Variants in SYN3 observed in about 807,000 individuals in gnomAD.
The protein encoded by SYN3 is synapsin III, also known as synapsin-3.
In SYN3, 35 loss-of-function variants were observed where a neutral mutation model predicts 65.8. The observed-to-expected ratio is 0.53, with a 90% CI of 0.41 to 0.70. The LOEUF (loss-of-function observed/expected upper bound fraction) is 0.70. Ranked by LOEUF, SYN3 falls within the 30% of genes least tolerant of loss-of-function variation. The probability of loss-of-function intolerance (pLI) is 0.00; values close to 1 mark genes in which losing one functional copy is unlikely to be tolerated. For synonymous variants in SYN3, 270 were observed against 292.9 expected, an observed-to-expected ratio of 0.92 and a Z score of 0.80; for missense variants, 680 against 749.0, an observed-to-expected ratio of 0.91 and a Z score of 1.08.
intron 6 of SYN3, 44 bp from the exon 7 acceptor site, chr22:32,596,780 TGCCACCAAG>T (rs779059754): frequency 5.7e-5 from 90 of 1,592,014 alleles, no homozygotes; most frequent in Non-Finnish European, 6.8e-5. Context: ...CTCAGAGCAT[TGCCACCAAG>T]GCTCTGGGTG....
chr22:32,943,162 A>C (rs2050993126), intron 3 of SYN3, among the ~76,000 whole-genome samples: 1 of 152,216 alleles, frequency 6.6e-6, no homozygotes, highest in East Asian at 1.9e-4. Context: ...ACCAAAGTTG[A>C]AATGAAGGAA....
chr22:32,753,002 AG>A (rs1010705870), intron 6 of SYN3, among the ~76,000 whole-genome samples: 10 of 152,172 alleles, frequency 6.6e-5, no homozygotes, highest in African/African-American at 2.4e-4. Flanking sequence ...CAGAAGGGTC[AG>A]GGGTTGGTCC....
intron 6 of SYN3, among the ~76,000 whole-genome samples, chr22:32,629,346 T>C (rs2059714383): frequency 6.6e-6 from 1 of 152,206 alleles, no homozygotes; most frequent in African/African-American, 2.4e-5. Context: ...CTGGGTAACA[T>C]ATGGGAAAGT....
intron 2 of SYN3, among the ~76,000 whole-genome samples, chr22:32,990,407 G>GCCATCCAGCCAT: frequency 6.9e-6 from 1 of 144,622 alleles, no homozygotes; most frequent in Non-Finnish European, 1.5e-5. Context: ...CATCCATCCA[G>GCCATCCAGCCAT]CCATCCATCC....
chr22:32,973,203 G>A (rs1456690508), intron 3 of SYN3, among the ~76,000 whole-genome samples: 3 of 152,130 alleles, frequency 2.0e-5, no homozygotes, highest in Non-Finnish European at 2.9e-5. Flanking sequence ...CATGGTTGAT[G>A]TTTTTCTAAC....
chr22:32,994,680 G>A (rs553815698), intron 2 of SYN3, among the ~76,000 whole-genome samples: 20 of 152,202 alleles, frequency 1.3e-4, no homozygotes, highest in Admixed American at 8.5e-4. Context: ...ACTTGGAGTC[G>A]GCACCTCATC....
intron 1 of SYN3, among the ~76,000 whole-genome samples, chr22:33,041,882 A>C (rs1370823911): frequency 6.6e-6 from 1 of 151,894 alleles, no homozygotes; most frequent in Non-Finnish European, 1.5e-5. Context: ...GAAAGCTCAA[A>C]CCTCTCTCCC....
At chr22:32,826,705 A>G (rs748246141) in intron 6 of SYN3, among the ~76,000 whole-genome samples, 35 of 152,232 alleles carry the variant, frequency 2.3e-4, no homozygotes, top group Non-Finnish European at 4.1e-4. Flanking sequence ...TTGAGCTGGA[A>G]TAAAATGTAC....
rs188896747 is a variant in SYN3, at chr22:33,045,878, A to G, written c.-163+12414T>C. 2.8e-3 allele frequency among the ~76,000 whole-genome samples: 427 copies of G among 152,048 alleles called. 4 individuals carry two copies. The highest frequency in any genetic ancestry group is 1.0e-2 in the African/African-American group (413 of 41,472). ...CTATAGCTCCCACCTTTCCCCCACTATGGCTCTCTTAATACACAGCATTCA... is the reference window on the plus strand; with the variant it reads ...CTATAGCTCCCACCTTTCCCCCACTGTGGCTCTCTTAATACACAGCATTCA... On this transcript the variant is annotated intron_variant, in intron 1 of 13. Transcript: ENST00000358763.
intron 4 of SYN3, among the ~76,000 whole-genome samples, chr22:32,908,686 G>C (rs951713205): frequency 1.3e-5 from 2 of 152,126 alleles, no homozygotes; most frequent in African/African-American, 4.8e-5. Context: ...TGTGTGTCAT[G>C]CCATAATGAT....
At chr22:32,557,622 T>C (rs1288797879) in intron 7 of SYN3, among the ~76,000 whole-genome samples, 1 of 152,120 alleles carries the variant, frequency 6.6e-6, no homozygotes, top group Non-Finnish European at 1.5e-5. Context: ...AAACTGGAAA[T>C]AATTTATGAG....
chr22:32,791,021 G>A (rs923146250), intron 6 of SYN3, among the ~76,000 whole-genome samples: 1 of 152,116 alleles, frequency 6.6e-6, no homozygotes, highest in African/African-American at 2.4e-5. Flanking sequence ...GTGCAGGATG[G>A]GACGCTGAAC....
intron 6 of SYN3, among the ~76,000 whole-genome samples, chr22:32,598,327 G>A (rs562731626): frequency 5.4e-4 from 83 of 152,306 alleles, no homozygotes; most frequent in South Asian, 1.7e-3. Context: ...GGCAACCAGG[G>A]AAAGTATTTT....
At chr22:32,560,138 G>A (rs1034573119) in intron 7 of SYN3, among the ~76,000 whole-genome samples, 1 of 152,234 alleles carries the variant, frequency 6.6e-6, no homozygotes, top group African/African-American at 2.4e-5. Context: ...AGGAATGCAA[G>A]ACCCCGGAAG....
chr22:32,569,355 A>G (rs2058717471), intron 7 of SYN3, among the ~76,000 whole-genome samples: 1 of 151,444 alleles, frequency 6.6e-6, no homozygotes, highest in South Asian at 2.1e-4. Context: ...AAATATATCT[A>G]TCTATCCATC....
intron 2 of SYN3, among the ~76,000 whole-genome samples, chr22:32,981,663 G>A (rs2052378037): frequency 1.3e-5 from 2 of 151,850 alleles, no homozygotes; most frequent in South Asian, 2.1e-4. Context: ...ATAAGAAAAA[G>A]GATCCCACAT....
intron 6 of SYN3, among the ~76,000 whole-genome samples, chr22:32,613,808 T>C (rs1267261459): frequency 6.6e-6 from 1 of 152,236 alleles, no homozygotes; most frequent in Non-Finnish European, 1.5e-5. Flanking sequence ...GGTGCTCTCT[T>C]GGTGTCTTTG....
intron 2 of SYN3, among the ~76,000 whole-genome samples, chr22:32,985,319 T>C (rs982283556): frequency 6.6e-6 from 1 of 152,162 alleles, no homozygotes; most frequent in Non-Finnish European, 1.5e-5. Context: ...TGCTGTGTGC[T>C]GGGGACCCAC....
At chr22:33,014,109 TC>T (rs2053413700) in intron 1 of SYN3, among the ~76,000 whole-genome samples, 1 of 149,592 alleles carries the variant, frequency 6.7e-6, no homozygotes. Flanking sequence ...GGGGCGGGGC[TC>T]TCACTATGTT....
Sources: allele counts gnomAD v4.1 joint callset (sites outside exome capture counted in the v4.1 genomes callset), GRCh38; gene constraint gnomAD v4.1.1; transcripts MANE v1.5; gene names NCBI Gene and HGNC (gene_info 2026-07-23, HGNC 2026-07-21).